CACNB2: variants seen among roughly 807,000 people sequenced by gnomAD.
CACNB2 encodes the protein voltage-dependent L-type calcium channel subunit beta-2.
A neutral mutation model predicts 73.3 loss-of-function variants in CACNB2; 42 were observed. The observed-to-expected ratio is 0.57, with a 90% CI of 0.45 to 0.74. The LOEUF (loss-of-function observed/expected upper bound fraction) is 0.74, where lower values mean the gene tolerates loss of function less well. Among genes scored for constraint, CACNB2 ranks in the 30% least tolerant of loss-of-function variants. The pLI is 0.00. For synonymous variants in CACNB2, 348 were observed against 310.3 expected (o/e 1.12, Z -1.28); for missense variants, 940 against 853.0 (o/e 1.10, Z -1.27).
rs558983610 is a variant in CACNB2, at chr10:18,495,973, G to A, written c.334-2382G>A. On this transcript the variant is annotated intron_variant, in intron 3 of 13. Transcript: ENST00000324631. ...CCCTGGTATCACTAAAAATTAAAGT[G>A]GATGTCATTCGAGACCAGCCTGGCC... 2.6e-5 allele frequency among the ~76,000 whole-genome samples: 4 copies of A among 151,864 alleles called. No individual in the cohort carries two copies. In the East Asian group the frequency reaches 7.8e-4, roughly 29 times the overall value.
At chr10:18,147,668 A>C (rs2031124141) in intron 1 of CACNB2, among the ~76,000 whole-genome samples, 1 of 152,244 alleles carries the variant, frequency 6.6e-6, no homozygotes, top group Admixed American at 6.5e-5. Context: ...AACTGTTCAC[A>C]AAAGTAGCTG....
chr10:18,265,006 C>A (rs1275609687), intron 2 of CACNB2, among the ~76,000 whole-genome samples: 1 of 152,132 alleles, frequency 6.6e-6, no homozygotes. Context: ...TGTGCCTCCC[C>A]CCTACACCTA....
At chr10:18,531,926 A>G (rs1019024444) in intron 10 of CACNB2, 1 of 152,202 alleles carries the variant, frequency 6.6e-6, no homozygotes, top group Non-Finnish European at 1.5e-5. Context: ...CCCGTCTTCA[A>G]GATGCTGAGC....
chr10:18,488,985 C>G (rs191980214), intron 3 of CACNB2, among the ~76,000 whole-genome samples: 1 of 152,164 alleles, frequency 6.6e-6, no homozygotes, highest in East Asian at 1.9e-4. Context: ...TGAGACCAGC[C>G]TGGCTAACAT....
chr10:18,270,868 G>T (rs187107325), intron 2 of CACNB2, among the ~76,000 whole-genome samples: 2 of 152,222 alleles, frequency 1.3e-5, no homozygotes, highest in East Asian at 1.9e-4. Context: ...CCTGGCCTCT[G>T]ACAGACACTC....
chr10:18,204,019 T>C (rs1484721141), intron 2 of CACNB2, among the ~76,000 whole-genome samples: 1 of 151,740 alleles, frequency 6.6e-6, no homozygotes, highest in Admixed American at 6.6e-5. Context: ...AGCAATCAGA[T>C]TGCAAAATGG....
At chr10:18,521,676 C>T (rs2051898386) in intron 9 of CACNB2, among the ~76,000 whole-genome samples, 1 of 152,060 alleles carries the variant, frequency 6.6e-6, no homozygotes, top group Admixed American at 6.5e-5. Flanking sequence ...TTAATGGGTG[C>T]CATCATTGAA....
chr10:18,430,507 A>T (rs1013195166), intron 3 of CACNB2, among the ~76,000 whole-genome samples: 1 of 151,898 alleles, frequency 6.6e-6, no homozygotes, highest in Non-Finnish European at 1.5e-5. Flanking sequence ...GTGGAGGCCT[A>T]TAGTTCCAGG....
At chr10:18,365,533 C>T (rs1331181623) in intron 2 of CACNB2, among the ~76,000 whole-genome samples, 1 of 152,154 alleles carries the variant, frequency 6.6e-6, no homozygotes, top group East Asian at 1.9e-4. Flanking sequence ...TCATAAGCTT[C>T]TCCAGGATTT....
rs116534876 is a variant in CACNB2 at position 18,468,890 on chromosome 10, T to G, written c.334-29465T>G. Reference sequence around the variant, plus strand: ...CTGGGATTACAGGCATGAGCCACCATGCCTGGCCATGCATCTGAATTTTTT... The same window carrying G: ...CTGGGATTACAGGCATGAGCCACCAGGCCTGGCCATGCATCTGAATTTTTT... On this transcript the variant is annotated intron_variant, in intron 3 of 13. Coordinates refer to ENST00000324631, the MANE Select transcript of CACNB2 (RefSeq NM_201596.3). 1.7e-3 allele frequency among the ~76,000 whole-genome samples: 259 copies of G among 152,310 alleles called. 1 individual carries two copies. The highest frequency in any genetic ancestry group is 5.9e-3 in the African/African-American group (247 of 41,578).
chr10:18,292,424 G>A (rs1030037914), intron 2 of CACNB2, among the ~76,000 whole-genome samples: 3 of 152,174 alleles, frequency 2.0e-5, no homozygotes, highest in Non-Finnish European at 2.9e-5. Flanking sequence ...TTAGGAGGCC[G>A]AGGCGGGCAG....
At chr10:18,534,686 G>A (rs946869777) in intron 11 of CACNB2, among the ~76,000 whole-genome samples, 1 of 152,160 alleles carries the variant, frequency 6.6e-6, no homozygotes, top group African/African-American at 2.4e-5. Flanking sequence ...TTATAAAGTA[G>A]TAAAGTTTAT....
chr10:18,290,723 G>A (rs1014427714), intron 2 of CACNB2, among the ~76,000 whole-genome samples: 1 of 152,230 alleles, frequency 6.6e-6, no homozygotes, highest in Admixed American at 6.5e-5. Context: ...CTCCGGTGAA[G>A]AGAAGGACAA....
chr10:18,266,391 T>C (rs2037802202), intron 2 of CACNB2, among the ~76,000 whole-genome samples: 1 of 152,206 alleles, frequency 6.6e-6, no homozygotes, highest in East Asian at 1.9e-4. Context: ...GGGATTATAA[T>C]TAAATTTAAT....
At chr10:18,321,579 G>T (rs2131957048) in intron 2 of CACNB2, among the ~76,000 whole-genome samples, 1 of 152,296 alleles carries the variant, frequency 6.6e-6, no homozygotes, top group South Asian at 2.1e-4. Context: ...TTGGGGGCAT[G>T]GACACCCCAT....
chr10:18,301,869 G>A (rs753456058), intron 2 of CACNB2, among the ~76,000 whole-genome samples: 4 of 151,952 alleles, frequency 2.6e-5, no homozygotes, highest in South Asian at 2.1e-4. Context: ...GGCTGGTCTC[G>A]ATCTCCTGAC....
chr10:18,480,730 G>C (rs1188729591), intron 3 of CACNB2, among the ~76,000 whole-genome samples: 2 of 152,076 alleles, frequency 1.3e-5, no homozygotes, highest in Non-Finnish European at 2.9e-5. Flanking sequence ...CTATGGTTAG[G>C]GCTAAGAGAA....
At chr10:18,351,909 AGTGAT>A (rs2041721838) in intron 2 of CACNB2, among the ~76,000 whole-genome samples, 1 of 152,196 alleles carries the variant, frequency 6.6e-6, no homozygotes, top group Non-Finnish European at 1.5e-5. Context: ...AAAGGAAGAG[AGTGAT>A]GACATTTAAA....
chr10:18,156,610 G>T (rs749605080), intron 2 of CACNB2, among the ~76,000 whole-genome samples: 1 of 152,296 alleles, frequency 6.6e-6, no homozygotes, highest in South Asian at 2.1e-4. Flanking sequence ...TGAGGTTGCT[G>T]TTGGTTCTAT....
Sources: gnomAD v4.1 joint callset for allele counts (sites outside exome capture counted in the v4.1 genomes callset) on GRCh38, gnomAD v4.1.1 for gene constraint, MANE v1.5 for transcripts, NCBI Gene and HGNC (gene_info 2026-07-23, HGNC 2026-07-21) for gene names.